Variants in BRD8 observed in about 807,000 individuals in gnomAD.
The protein encoded by BRD8 is bromodomain-containing protein 8.
A neutral mutation model predicts 143.1 loss-of-function variants in BRD8; 67 were observed. The ratio of observed to expected loss-of-function variants is 0.47; its 90% CI spans 0.38 to 0.57. The LOEUF is 0.57. Ranked by LOEUF, BRD8 falls within the 20% of genes least tolerant of loss-of-function variation. The pLI, the probability that BRD8 is intolerant of heterozygous loss-of-function variation, is 0.00. For missense variants in BRD8, 1,103 were observed against 1,503.0 expected (o/e 0.73, Z 4.40); for synonymous variants, 505 against 517.1 (o/e 0.98, Z 0.32).
At position 138,178,284 on chromosome 5, in the gene BRD8, C is replaced by A. The variant is rs3756685; in HGVS notation, c.19+312G>T. On this transcript the variant is annotated intron_variant, in intron 1 of 26. Transcript: ENST00000254900. The stretch of plus-strand genomic sequence containing the variant: ...CTCTTTGAGGTGCCGGTTACTCCGT[C>A]TGGCTCATAACATCTTTTCGTCTGC... Among the ~76,000 whole-genome samples the A allele has an allele frequency of 3.2e-4, 49 of 152,316 alleles. 3 individuals carry two copies. In the East Asian group the frequency reaches 9.4e-3, roughly 29 times the overall value.
At chr5:138,171,196 A>C in intron 4 of BRD8, 36 bp from the exon 5 acceptor site, 1 of 1,585,668 alleles carries the variant, frequency 6.3e-7, no homozygotes. Context: ...TCATATTCAA[A>C]TAACATAACA....
rs563233754 is a variant in BRD8, at chr5:138,144,320, C to T, written c.3437+857G>A. 9.2e-5 allele frequency among the ~76,000 whole-genome samples: 14 copies of T among 152,254 alleles called. No individual in the cohort carries two copies. In the East Asian group the frequency reaches 2.7e-3, roughly 29 times the overall value. ...CAAACCCACCGGGAGGAAGAAACTC[C>T]GGACACATCTGAACATCCGAAGGAA... is the stretch of plus-strand genomic sequence containing the variant. On this transcript the variant is annotated intron_variant, in intron 25 of 26. Transcript: ENST00000254900.
In BRD8 at chr5:138,164,825, C is replaced by T; in HGVS notation, c.1620G>A (p.Arg540=). 6.2e-7 allele frequency: 1 copy of T among 1,614,248 alleles called. No homozygotes were observed. ...CCAGTTCCTCATCTAAGTCCTGACT[C>T]CTGAGTTCTGGTGGCTCCATACTTG... is the stretch of plus-strand genomic sequence containing the variant. The part of the protein sequence containing the change: ...PATSMEPPEL[R]SQDLDEELGS... Residue 540 remains arginine, a synonymous_variant, in exon 12 of 27, where the codon AGG becomes AGA. Transcript: ENST00000254900.
chr5:138,149,918 A>G, intron 22 of BRD8, 121 bp from the exon 23 acceptor site: 3 of 920,100 alleles, frequency 3.3e-6, no homozygotes, highest in Non-Finnish European at 4.6e-6. Context: ...ACATAAAGCT[A>G]CAAAAGAAAT....
At chr5:138,161,726 G>A (rs1753012887) in intron 17 of BRD8, 70 bp downstream of exon 17, 1 of 1,511,426 alleles carries the variant, frequency 6.6e-7, no homozygotes, top group African/African-American at 1.4e-5. Context: ...TCTATCGAAA[G>A]CAAAACTTCA....
Position 138,139,828 on chromosome 5 carries a change from G to T in BRD8, c.*246C>A, listed in dbSNP as rs1751835983. ...GGCTTAGAAAAGATCTAATGGAATT[G>T]TCTTTAAATCAAGCCGATGGAACAA... On this transcript the variant is annotated 3_prime_UTR_variant, in exon 27 of 27. Coordinates refer to ENST00000254900, the MANE Select transcript of BRD8 (RefSeq NM_139199.2). 1 of 492,706 alleles carries T rather than the reference G, an allele frequency of 2.0e-6. No homozygotes were observed. The highest frequency in any genetic ancestry group is 3.5e-5 in the Admixed American group (1 of 28,446). 30.5% of individuals were successfully genotyped at this position (492,706 alleles called of 1,614,324 possible).
intron 21 of BRD8, among the ~76,000 whole-genome samples, chr5:138,152,108 G>A (rs1329721951): frequency 3.3e-5 from 5 of 150,412 alleles, no homozygotes; most frequent in South Asian, 2.1e-4. Flanking sequence ...CGCCCGCCTC[G>A]GCCTCCTAAA....
At chr5:138,166,153 C>T in intron 10 of BRD8, 45 bp from the exon 11 acceptor site, 2 of 1,399,610 alleles carry the variant, frequency 1.4e-6, no homozygotes, top group Non-Finnish European at 2.0e-6. Context: ...TTATTGGGTA[C>T]AAAGCGACCA....
At position 138,172,062 on chromosome 5, in the gene BRD8, T is replaced by C; in HGVS notation, c.186+3A>G. 2 of 1,613,362 alleles carry C rather than the reference T, an allele frequency of 1.2e-6. No individual in the cohort carries two copies. The highest frequency in any genetic ancestry group is 4.5e-5 in the East Asian group (2 of 44,840). The stretch of plus-strand genomic sequence containing the variant: ...CTAAAAGAGCCCTTGCTTGGGAACT[T>C]ACTTTTTGAGAGAACCAGTCTGGAG... On this transcript the variant is annotated splice_donor_region_variant and intron_variant, in intron 3 of 26. Transcript: ENST00000254900.
chr5:138,152,765 A>C lies in BRD8; in HGVS notation c.2578-5T>G, dbSNP rs1752421607. On this transcript the variant is annotated splice_region_variant and splice_polypyrimidine_tract_variant and intron_variant, in intron 20 of 26. Coordinates refer to ENST00000254900, the MANE Select transcript of BRD8 (RefSeq NM_139199.2). ...CCAAACCCACTCGTGTCCCATCTGT[A>C]AATACACAGGAAAACATGCATTAAA... 2 of 1,608,250 alleles carry C rather than the reference A, an allele frequency of 1.2e-6. No homozygotes were observed. The highest frequency in any genetic ancestry group is 2.7e-5 in the African/African-American group (2 of 74,804).
At chr5:138,146,104 C>T (rs549148657) in intron 23 of BRD8, among the ~76,000 whole-genome samples, 156 of 152,280 alleles carry the variant, frequency 1.0e-3, no homozygotes, top group African/African-American at 3.6e-3. Context: ...GTTGCCCAGG[C>T]TGGAGTGCAG....
At chr5:138,145,955 G>A (rs1182596520) in intron 23 of BRD8, 77 bp from the exon 24 acceptor site, 3 of 1,182,212 alleles carry the variant, frequency 2.5e-6, no homozygotes, top group East Asian at 2.4e-5. Flanking sequence ...GGGTAATGAG[G>A]TTTTCTTAAG....
intron 20 of BRD8, among the ~76,000 whole-genome samples, chr5:138,154,476 A>G (rs908482253): frequency 2.0e-5 from 3 of 152,162 alleles, no homozygotes; most frequent in Non-Finnish European, 4.4e-5. Context: ...TTGTGTTTGT[A>G]TCTCATGCCT....
Position 138,160,112 on chromosome 5 carries a change from A to G in BRD8, c.2489T>C (p.Leu830Pro). Residue 830 changes from leucine (L) to proline (P), a missense_variant, in exon 19 of 27, where the codon CTT (leucine) becomes CCT (proline). Physicochemically the swap from Leu to Pro is moderately conservative, Grantham distance 98. This residue lies in a region of BRD8 where 64 missense variants were observed against 211.3 expected (regional missense o/e 0.30). Coordinates refer to ENST00000254900, the MANE Select transcript of BRD8 (RefSeq NM_139199.2). ...TSESGISAKS[L>P]RGRDSTRKQD... ...TTTGCGGGTAGAATCTCTCCCTCGA[A>G]GACTTTTAGCACTGATCCCAGACTC... The G allele has an allele frequency of 6.2e-7, 1 of 1,614,162 alleles. No individual in the cohort carries two copies. The highest frequency in any genetic ancestry group is 8.5e-7 in the Non-Finnish European group (1 of 1,180,010).
At position 138,145,735 on chromosome 5, in the gene BRD8, A is replaced by T. The variant is rs951435765; in HGVS notation, c.3368+54T>A. ...TCTCCTTTTATGCTTAAACCCCAAT[A>T]TGTATTACTGCTTCAGCTCTGAACA... On this transcript the variant is annotated intron_variant, in intron 24 of 26. Transcript: ENST00000254900. The T allele has an allele frequency of 8.1e-5, 118 of 1,454,864 alleles. 3 individuals carry two copies. In the South Asian group the frequency reaches 1.1e-3, roughly 13 times the overall value. The allele number at this position is 1,454,864 out of a possible 1,614,324, so 90.1% of individuals were successfully genotyped here.
chr5:138,171,541 G>T, intron 3 of BRD8, 131 bp from the exon 4 acceptor site: 1 of 640,734 alleles, frequency 1.6e-6, no homozygotes, highest in Non-Finnish European at 2.8e-6. Context: ...GGTTTACTAG[G>T]AGGGCAAGTA....
chr5:138,159,065 A>G (rs1752806707), intron 20 of BRD8, among the ~76,000 whole-genome samples: 2 of 152,118 alleles, frequency 1.3e-5, no homozygotes, highest in Non-Finnish European at 1.5e-5. Flanking sequence ...TGTTGGAATT[A>G]TAGACGTAAA....
At position 138,152,477 on chromosome 5, in the gene BRD8, G is replaced by A; in HGVS notation, c.2856+5C>T. ...CCAGCTTTGGAAATAAGAGCTCACT[G>A]TTACCTCAGAGAGAAAGTGGAGGAG... is the stretch of plus-strand genomic sequence containing the variant. On this transcript the variant is annotated splice_donor_5th_base_variant and intron_variant, in intron 21 of 26. Transcript: ENST00000254900. The A allele has an allele frequency of 6.2e-7, 1 of 1,613,684 alleles. No homozygotes were observed. Among genetic ancestry groups the A allele is most frequent in the Non-Finnish European group, 8.5e-7 (1 of 1,179,860 alleles).
At chr5:138,148,690 A>T (rs187807109) in intron 23 of BRD8, among the ~76,000 whole-genome samples, 3,074 of 152,022 alleles carry the variant, frequency 0.02, 67 homozygotes, top group African/African-American at 0.052. Context: ...TTAAAAAAAA[A>T]TTTTTTTATC....
Sources: allele counts gnomAD v4.1 joint callset (sites outside exome capture counted in the v4.1 genomes callset), GRCh38; gene constraint gnomAD v4.1.1; regional missense constraint gnomAD v4.1.1; transcripts MANE v1.5; gene names NCBI Gene and HGNC (gene_info 2026-07-23, HGNC 2026-07-21).